Variants in DMD observed in about 807,000 individuals in gnomAD.
The protein encoded by DMD is mutant dystrophin.
A neutral mutation model predicts 330.1 loss-of-function variants in DMD; 63 were observed. The observed-to-expected ratio is 0.19, with a 90% confidence interval of 0.16 to 0.24. The LOEUF is 0.24. DMD is among the 10% of genes least tolerant of loss of function. The pLI, the probability that DMD is intolerant of heterozygous loss-of-function variation, is 1.00. For synonymous variants in DMD, 1,223 were observed against 959.8 expected, an observed-to-expected ratio of 1.27 and a Z score of -5.07; for missense variants, 3,344 against 2,684.1, an observed-to-expected ratio of 1.25 and a Z score of -5.43.
At chrX:31,595,099 A>AT (rs1186215292) in intron 55 of DMD, among the ~76,000 whole-genome samples, 1 of 111,310 alleles carries the variant, frequency 9.0e-6, no homozygotes, top group African/African-American at 3.3e-5. Context: ...TATTTGCCTC[A>AT]TTGTTAAAAG....
intron 1 of DMD, among the ~76,000 whole-genome samples, chrX:33,141,616 A>G (rs1408354856): frequency 8.9e-6 from 1 of 111,957 alleles, no homozygotes; most frequent in African/African-American, 3.2e-5. Context: ...GATATTCAGT[A>G]TGATTGGAGA....
intron 44 of DMD, among the ~76,000 whole-genome samples, chrX:32,199,771 G>A (rs1457801687): frequency 3.3e-5 from 3 of 91,547 alleles, no homozygotes; most frequent in Admixed American, 1.3e-4. Flanking sequence ...GCGCCACCAC[G>A]CAAGGCTTTT....
chrX:31,333,892 G>A (rs5927723), intron 61 of DMD, among the ~76,000 whole-genome samples: 2 of 109,676 alleles, frequency 1.8e-5, no homozygotes, highest in East Asian at 2.9e-4. Flanking sequence ...ACAGAAGGGC[G>A]GTAAGGAGAC....
chrX:31,678,660 A>G (rs1286910608), intron 53 of DMD, among the ~76,000 whole-genome samples: 2 of 110,493 alleles, frequency 1.8e-5, no homozygotes, highest in Non-Finnish European at 3.8e-5. Context: ...AAGTGAGAGT[A>G]CTCCTTATTC....
chrX:31,998,063 T>C (rs1418565013), intron 44 of DMD, among the ~76,000 whole-genome samples: 2 of 111,512 alleles, frequency 1.8e-5, no homozygotes, highest in Non-Finnish European at 3.8e-5. Context: ...AGGGTAAGAT[T>C]AAACCCAGCA....
At chrX:32,599,537 A>G (rs2055946879) in intron 12 of DMD, among the ~76,000 whole-genome samples, 2 of 112,358 alleles carry the variant, frequency 1.8e-5, no homozygotes, top group Admixed American at 1.9e-4. Context: ...AATTTATACA[A>G]CGGAGATTTA....
rs58231835 is a variant in DMD, at chrX:32,776,282, A to ACC, written c.649+33209_649+33210dup. On this transcript the variant is annotated intron_variant, in intron 7 of 78. Coordinates refer to ENST00000357033, the MANE Select transcript of DMD (RefSeq NM_004006.3). The stretch of plus-strand genomic sequence containing the variant: ...TCCCTCATCTTTCTGTCTTCTTCTG[A>ACC]CCCCCCCCCCAAATTGTTCCAACCT... Among the ~76,000 whole-genome samples, 716 of 89,214 alleles carry ACC rather than the reference A, an allele frequency of 8.0e-3. 1 individual carries two copies. Among genetic ancestry groups the ACC allele is most frequent in the African/African-American group, 0.019 (476 of 24,750 alleles). 77.5% of individuals were successfully genotyped at this position (89,214 alleles called of 115,157 possible).
intron 52 of DMD, among the ~76,000 whole-genome samples, chrX:31,725,197 G>A (rs933581023): frequency 9.2e-6 from 1 of 109,225 alleles, no homozygotes; most frequent in Non-Finnish European, 1.9e-5. Context: ...TTAGCTCTCC[G>A]AGTCTCGGTT....
intron 6 of DMD, among the ~76,000 whole-genome samples, chrX:32,812,282 C>T (rs1040733137): frequency 3.6e-5 from 4 of 111,002 alleles, no homozygotes; most frequent in Admixed American, 1.9e-4. Context: ...AACAAAATAA[C>T]GAAAAAAACA....
At chrX:31,501,350 T>C (rs771460247) in intron 56 of DMD, among the ~76,000 whole-genome samples, 3 of 112,312 alleles carry the variant, frequency 2.7e-5, no homozygotes, top group African/African-American at 9.7e-5. Context: ...CTTTTAACAT[T>C]GCTAATTGTC....
intron 1 of DMD, among the ~76,000 whole-genome samples, chrX:33,216,995 T>C (rs774440327): frequency 8.9e-6 from 1 of 111,816 alleles, no homozygotes; most frequent in Admixed American, 9.5e-5. Context: ...CCAAGCATTA[T>C]GATTAATGCA....
At chrX:31,548,558 C>CTT (rs754058241) in intron 55 of DMD, among the ~76,000 whole-genome samples, 2 of 95,442 alleles carry the variant, frequency 2.1e-5, no homozygotes, top group African/African-American at 3.8e-5. Context: ...TTTTCTTTTT[C>CTT]TTTTTTTTTT....
intron 57 of DMD, among the ~76,000 whole-genome samples, chrX:31,490,821 A>G (rs1268333354): frequency 8.9e-6 from 1 of 112,544 alleles, no homozygotes; most frequent in Non-Finnish European, 1.9e-5. Context: ...ATGAGCCTAA[A>G]TAAATGTATA....
intron 55 of DMD, among the ~76,000 whole-genome samples, chrX:31,529,013 G>A (rs1380639658): frequency 2.7e-5 from 3 of 111,225 alleles, no homozygotes; most frequent in Non-Finnish European, 3.8e-5. Context: ...AACAGTTAAA[G>A]GAGTTTGAGA....
At chrX:33,037,818 A>G (rs1259973857) in intron 1 of DMD, among the ~76,000 whole-genome samples, 1 of 112,359 alleles carries the variant, frequency 8.9e-6, no homozygotes, top group African/African-American at 3.2e-5. Context: ...AAATTGGTAT[A>G]CTACAATAGG....
At chrX:31,688,120 G>T (rs2082815045) in intron 52 of DMD, among the ~76,000 whole-genome samples, 1 of 109,944 alleles carries the variant, frequency 9.1e-6, no homozygotes, top group Admixed American at 9.7e-5. Flanking sequence ...AAGAAACAAT[G>T]AAGCATACCT....
intron 63 of DMD, among the ~76,000 whole-genome samples, chrX:31,227,023 T>C (rs748688729): frequency 8.9e-6 from 1 of 111,764 alleles, no homozygotes; most frequent in Non-Finnish European, 1.9e-5. Context: ...GATATTGGCA[T>C]AAAGTTTCTC....
At chrX:31,701,042 T>C (rs754858906) in intron 52 of DMD, among the ~76,000 whole-genome samples, 10 of 112,463 alleles carry the variant, frequency 8.9e-5, no homozygotes, top group African/African-American at 3.2e-4. Context: ...AAGGGGACCA[T>C]TATAATTCTA....
chrX:32,561,543 T>A (rs1389410080), intron 16 of DMD, among the ~76,000 whole-genome samples: 1 of 111,723 alleles, frequency 9.0e-6, no homozygotes, highest in African/African-American at 3.3e-5. Context: ...TTGGGGAACC[T>A]GAAAGAGACG....
Sources: gnomAD v4.1 joint callset for allele counts (sites outside exome capture counted in the v4.1 genomes callset) on GRCh38, gnomAD v4.1.1 for gene constraint, MANE v1.5 for transcripts, NCBI Gene and HGNC (gene_info 2026-07-23, HGNC 2026-07-21) for gene names.